Variants in NELL1 observed in about 807,000 individuals in gnomAD.
NELL1 encodes the protein neural EGFL like 1.
A neutral mutation model predicts 107.4 loss-of-function variants in NELL1; 76 were observed. That is an observed-to-expected ratio of 0.71 (90% CI 0.59 to 0.86). The LOEUF is 0.86. Ranked by LOEUF, NELL1 falls within the 40% of genes least tolerant of loss-of-function variation. The pLI, the probability that NELL1 is intolerant of heterozygous loss-of-function variation, is 0.00. For missense variants in NELL1, 1,024 were observed against 1,005.5 expected (o/e 1.02, Z -0.25); for synonymous variants, 353 against 341.2 (o/e 1.03, Z -0.38).
chr11:21,558,599 C>T (rs1455447279), intron 16 of NELL1, among the ~76,000 whole-genome samples: 1 of 151,938 alleles, frequency 6.6e-6, no homozygotes, highest in Non-Finnish European at 1.5e-5. Context: ...ATAACAATTG[C>T]AGTATTAGAT....
At chr11:21,056,926 C>A (rs1360491390) in intron 12 of NELL1, among the ~76,000 whole-genome samples, 1 of 151,898 alleles carries the variant, frequency 6.6e-6, no homozygotes, top group African/African-American at 2.4e-5. Context: ...CTTCTAGCTA[C>A]AGCCTGTATT....
intron 15 of NELL1, among the ~76,000 whole-genome samples, chr11:21,468,843 A>T (rs931399017): frequency 6.6e-6 from 1 of 152,078 alleles, no homozygotes; most frequent in Non-Finnish European, 1.5e-5. Flanking sequence ...GGTTTGCAGA[A>T]CACAGTAGAC....
Position 21,358,539 on chromosome 11 carries a change from C to T in NELL1, c.1550-12314C>T, listed in dbSNP as rs990706187. 1.7e-4 allele frequency among the ~76,000 whole-genome samples: 26 copies of T among 149,342 alleles called. 1 individual carries two copies. Among genetic ancestry groups the T allele is most frequent in the Non-Finnish European group, 1.2e-4 (8 of 67,540 alleles). On this transcript the variant is annotated intron_variant, in intron 14 of 19. Coordinates refer to ENST00000357134, the MANE Select transcript of NELL1 (RefSeq NM_006157.5). Reference sequence around the variant, plus strand: ...TCAGCCTCCTGAGTAGCTGGGATTACAGACACATGCCACCATGCCCTGATA... The same window carrying T: ...TCAGCCTCCTGAGTAGCTGGGATTATAGACACATGCCACCATGCCCTGATA...
chr11:20,748,848 AATTGCGT>A (rs1305128241), intron 2 of NELL1, among the ~76,000 whole-genome samples: 1 of 150,018 alleles, frequency 6.7e-6, no homozygotes, highest in Non-Finnish European at 1.5e-5. Flanking sequence ...ATGTCTTTGC[AATTGCGT>A]ATTGGAGCAT....
At chr11:20,731,848 C>A (rs1191951045) in intron 2 of NELL1, among the ~76,000 whole-genome samples, 1 of 152,124 alleles carries the variant, frequency 6.6e-6, no homozygotes, top group African/African-American at 2.4e-5. Flanking sequence ...GTAGTGGGAG[C>A]AGGTGTGCGC....
chr11:21,216,591 A>G (rs899787518), intron 13 of NELL1, among the ~76,000 whole-genome samples: 3 of 152,200 alleles, frequency 2.0e-5, no homozygotes, highest in African/African-American at 7.2e-5. Flanking sequence ...GATGTGAGAC[A>G]TGGAGTCAAG....
chr11:21,032,046 A>AAATAAT (rs373787726), intron 12 of NELL1, among the ~76,000 whole-genome samples: 3,650 of 145,472 alleles, frequency 0.025, 78 homozygotes, highest in African/African-American at 0.051. Flanking sequence ...CTCCATGTCA[A>AAATAAT]AATAATAATA....
chr11:21,141,068 A>C (rs1226329577), intron 13 of NELL1, among the ~76,000 whole-genome samples: 1 of 152,228 alleles, frequency 6.6e-6, no homozygotes, highest in Non-Finnish European at 1.5e-5. Flanking sequence ...CAGATGAAAA[A>C]TGGTCAATTT....
chr11:21,136,487 A>G lies in NELL1; in HGVS notation c.1426+22773A>G, dbSNP rs78701606. 4.0e-3 allele frequency among the ~76,000 whole-genome samples: 610 copies of G among 152,316 alleles called. 2 individuals carry two copies. The highest frequency in any genetic ancestry group is 6.8e-3 in the Middle Eastern group (2 of 294). On this transcript the variant is annotated intron_variant, in intron 13 of 19. Transcript: ENST00000357134. ...ATCTATGTATTTAGTAGCATTTCCT[A>G]TATTTCCAATATAGAAATTGTTGAG...
intron 15 of NELL1, among the ~76,000 whole-genome samples, chr11:21,439,123 C>T (rs551572146): frequency 6.6e-6 from 1 of 151,570 alleles, no homozygotes; most frequent in African/African-American, 2.4e-5. Flanking sequence ...AGGAACAATC[C>T]ACAAGCAGAA....
intron 15 of NELL1, among the ~76,000 whole-genome samples, chr11:21,487,305 T>C (rs145453417): frequency 3.3e-5 from 5 of 152,266 alleles, no homozygotes; most frequent in African/African-American, 1.2e-4. Flanking sequence ...AGATGACATA[T>C]TCAATGTGCT....
chr11:21,127,826 T>C (rs1313012200), intron 13 of NELL1, among the ~76,000 whole-genome samples: 3 of 152,222 alleles, frequency 2.0e-5, no homozygotes, highest in Non-Finnish European at 4.4e-5. Context: ...AATTATAAGA[T>C]TATTTGAAAG....
At chr11:20,714,657 G>C (rs1855197830) in intron 2 of NELL1, among the ~76,000 whole-genome samples, 1 of 152,004 alleles carries the variant, frequency 6.6e-6, no homozygotes, top group South Asian at 2.1e-4. Flanking sequence ...GAGTGGCTAG[G>C]ACCCACAGGC....
chr11:20,918,014 A>C lies in NELL1; in HGVS notation c.604-168A>C, dbSNP rs185706875. Among the ~76,000 whole-genome samples, 8 of 152,058 alleles carry C rather than the reference A, an allele frequency of 5.3e-5. No individual in the cohort carries two copies. The East Asian group carries it at 1.4e-3, about 26-fold the overall frequency. ...ATAAATGTACAATTTGAGATTCCTA[A>C]AGTAGGATGCTTTAGAGTAGTTCAG... On this transcript the variant is annotated intron_variant, in intron 5 of 19. Coordinates refer to ENST00000357134, the MANE Select transcript of NELL1 (RefSeq NM_006157.5).
chr11:21,161,944 C>CTTTTTTT lies in NELL1; in HGVS notation c.1426+48248_1426+48254dup, dbSNP rs34422649. Among the ~76,000 whole-genome samples, 454 of 83,052 alleles carry CTTTTTTT rather than the reference C, an allele frequency of 5.5e-3. 24 individuals carry two copies. Among genetic ancestry groups the CTTTTTTT allele is most frequent in the East Asian group, 7.5e-3 (19 of 2,526 alleles). 54.5% of individuals were successfully genotyped at this position (83,052 alleles called of 152,430 possible). On this transcript the variant is annotated intron_variant, in intron 13 of 19. Coordinates refer to ENST00000357134, the MANE Select transcript of NELL1 (RefSeq NM_006157.5). The stretch of plus-strand genomic sequence containing the variant: ...CCAATCTTTTCTCTGGGAACATAAT[C>CTTTTTTT]TTTTTTTTTTTTTTTTTTTTTTTTG...
chr11:20,887,858 C>G (rs1331396669), intron 5 of NELL1, among the ~76,000 whole-genome samples: 1 of 151,950 alleles, frequency 6.6e-6, no homozygotes, highest in Non-Finnish European at 1.5e-5. Context: ...CAGATTAAGT[C>G]CATAAAATAG....
At chr11:21,466,906 A>G (rs1343020406) in intron 15 of NELL1, among the ~76,000 whole-genome samples, 4 of 151,920 alleles carry the variant, frequency 2.6e-5, no homozygotes, top group South Asian at 2.1e-4. Flanking sequence ...CATATGACGG[A>G]TATGAATATC....
intron 2 of NELL1, among the ~76,000 whole-genome samples, chr11:20,712,178 T>C (rs1407531623): frequency 1.3e-5 from 2 of 152,166 alleles, no homozygotes; most frequent in African/African-American, 4.8e-5. Flanking sequence ...TTTTATCTGA[T>C]TGGGTTAATT....
chr11:20,753,596 C>G (rs1424927769), intron 2 of NELL1, among the ~76,000 whole-genome samples: 1 of 152,118 alleles, frequency 6.6e-6, no homozygotes, highest in African/African-American at 2.4e-5. Flanking sequence ...CTTTAAAAAC[C>G]AGGGCCAAGT....
Sources: allele counts gnomAD v4.1 joint callset (sites outside exome capture counted in the v4.1 genomes callset), GRCh38; gene constraint gnomAD v4.1.1; transcripts MANE v1.5; gene names NCBI Gene and HGNC (gene_info 2026-07-23, HGNC 2026-07-21).